The following OSBP2 variants were observed in gnomAD, a reference collection of about 807,000 sequenced individuals.
OSBP2 encodes oxysterol-binding protein 2.
OSBP2 carries 66 observed loss-of-function variants against 96.0 expected under a neutral mutation model. The ratio of observed to expected loss-of-function variants is 0.69; its 90% confidence interval spans 0.56 to 0.84. The LOEUF is 0.84. Among genes scored for constraint, OSBP2 ranks in the 40% least tolerant of loss-of-function variants. OSBP2 has a pLI of 0.00. For missense variants in OSBP2, 1,038 were observed against 1,222.7 expected, an observed-to-expected ratio of 0.85 and a Z score of 2.25; for synonymous variants, 525 against 520.9, an observed-to-expected ratio of 1.01 and a Z score of -0.11.
intron 3 of OSBP2, among the ~76,000 whole-genome samples, chr22:30,874,370 C>T (rs2039530014): frequency 6.6e-6 from 1 of 152,070 alleles, no homozygotes; most frequent in Non-Finnish European, 1.5e-5. Flanking sequence ...CAAGATCACG[C>T]CACTGCACTC....
At chr22:30,772,059 C>T (rs996068216) in intron 2 of OSBP2, among the ~76,000 whole-genome samples, 5 of 152,216 alleles carry the variant, frequency 3.3e-5, no homozygotes, top group Non-Finnish European at 5.9e-5. Context: ...ATCAGACAGC[C>T]GCAAGCCAGA....
At chr22:30,875,614 C>T (rs1203887262) in intron 3 of OSBP2, among the ~76,000 whole-genome samples, 4 of 152,176 alleles carry the variant, frequency 2.6e-5, no homozygotes, top group South Asian at 2.1e-4. Context: ...GCAGGTAATC[C>T]GCCTGCCTCG....
intron 1 of OSBP2, among the ~76,000 whole-genome samples, chr22:30,721,930 C>G (rs1312269114): frequency 6.6e-6 from 1 of 152,046 alleles, no homozygotes; most frequent in African/African-American, 2.4e-5. Context: ...GACTTTTAAG[C>G]TTGTGAAAGG....
chr22:30,881,037 T>G lies in OSBP2; in HGVS notation c.1108-6389T>G, dbSNP rs537848667. 2.0e-5 allele frequency among the ~76,000 whole-genome samples: 3 copies of G among 152,244 alleles called. No individual in the cohort carries two copies. The South Asian group carries it at 6.2e-4, about 32-fold the overall frequency. On this transcript the variant is annotated intron_variant, in intron 3 of 13. Transcript: ENST00000332585. This position sits in a 1 kb window ranked among gnomAD's most constrained non-coding sequence, Gnocchi z 4.5. ...CCCCAGGGCGGAGACCCCCCTTGTC[T>G]GTCGAGCTTTGTGGTTCTCACTCTG...
At chr22:30,804,216 G>C (rs1367578800) in intron 2 of OSBP2, among the ~76,000 whole-genome samples, 1 of 152,144 alleles carries the variant, frequency 6.6e-6, no homozygotes, top group Non-Finnish European at 1.5e-5. Flanking sequence ...AGTGGAGAGG[G>C]GAGGTGGAAT....
At position 30,834,586 on chromosome 22, in the gene OSBP2, C is replaced by T. The variant is rs1468961165; in HGVS notation, c.854-35843C>T. 2.0e-5 allele frequency among the ~76,000 whole-genome samples: 3 copies of T among 152,126 alleles called. 1 individual carries two copies. The highest frequency in any genetic ancestry group is 4.4e-5 in the Non-Finnish European group (3 of 68,026). On this transcript the variant is annotated intron_variant, in intron 2 of 13. Coordinates refer to ENST00000332585, the MANE Select transcript of OSBP2 (RefSeq NM_030758.4). The stretch of plus-strand genomic sequence containing the variant: ...GTTATTTCATGGTGGTTTTGTTTTG[C>T]ATTTCTCTAATAACTGATAATGTTG...
At chr22:30,721,827 A>G (rs746070139) in intron 1 of OSBP2, among the ~76,000 whole-genome samples, 2 of 152,162 alleles carry the variant, frequency 1.3e-5, no homozygotes, top group Non-Finnish European at 2.9e-5. Flanking sequence ...TCTCAAATTC[A>G]TGGCATTTCA....
rs2039708629 is a variant in OSBP2 at position 30,881,729 on chromosome 22, A to G, written c.1108-5697A>G. The G allele has an allele frequency of 7.7e-7, 1 of 1,303,992 alleles. No individual in the cohort carries two copies. The highest frequency in any genetic ancestry group is 2.3e-5 in the Admixed American group (1 of 43,552). 80.8% of individuals were successfully genotyped at this position (1,303,992 alleles called of 1,614,324 possible). A position where few individuals can be genotyped will look rare whatever the true frequency, so the allele number is the denominator to read the frequency against. ...ACGCCAGGCGCCTGCCTCTCCCCAC[A>G]GCACAGCCAGGATGGGGCCTGGAGA... On this transcript the variant is annotated intron_variant, in intron 3 of 13. Coordinates refer to ENST00000332585, the MANE Select transcript of OSBP2 (RefSeq NM_030758.4). This position sits in a 1 kb window ranked among gnomAD's most constrained non-coding sequence, Gnocchi z 4.5.
At chr22:30,886,750 C>T (rs1377081815) in intron 3 of OSBP2, among the ~76,000 whole-genome samples, 1 of 152,176 alleles carries the variant, frequency 6.6e-6, no homozygotes, top group African/African-American at 2.4e-5. Flanking sequence ...CATGACTCCC[C>T]AGACGCCTTA....
chr22:30,829,091 A>G (rs936626876), intron 2 of OSBP2, among the ~76,000 whole-genome samples: 2 of 152,102 alleles, frequency 1.3e-5, no homozygotes, highest in Non-Finnish European at 2.9e-5. Context: ...GGACAGGCCC[A>G]GGCTCCCCCA....
At chr22:30,866,028 G>A (rs2039329831) in intron 2 of OSBP2, among the ~76,000 whole-genome samples, 1 of 152,198 alleles carries the variant, frequency 6.6e-6, no homozygotes, top group Non-Finnish European at 1.5e-5. Flanking sequence ...CAGTAAATCA[G>A]ACCGTAATGA....
At position 30,695,337 on chromosome 22, in the gene OSBP2, CGCTGCCAGCGTTAAA is replaced by C; in HGVS notation, c.431_445del (p.Leu144_Lys148del). On this transcript the variant is annotated inframe_deletion, in exon 1 of 14. Coordinates refer to ENST00000332585, the MANE Select transcript of OSBP2 (RefSeq NM_030758.4). ...ACCTTTCTCAGACCCGAGTCAGGAT[CGCTGCCAGCGTTAAA>C]GCCCCTGCCTCTTCTGCGACCAGGA... The C allele has an allele frequency of 6.2e-7, 1 of 1,613,632 alleles. No individual in the cohort carries two copies. The highest frequency in any genetic ancestry group is 8.5e-7 in the Non-Finnish European group (1 of 1,180,040).
intron 1 of OSBP2, among the ~76,000 whole-genome samples, chr22:30,702,637 C>CAAAAA (rs1208945802): frequency 6.6e-6 from 1 of 151,862 alleles, no homozygotes; most frequent in African/African-American, 2.4e-5. Flanking sequence ...AATAAATAAA[C>CAAAAA]AAAACAAAAC....
chr22:30,804,483 A>T lies in OSBP2; in HGVS notation c.853+63114A>T, dbSNP rs548305262. Among the ~76,000 whole-genome samples, 6 of 152,222 alleles carry T rather than the reference A, an allele frequency of 3.9e-5. No individual in the cohort carries two copies. The South Asian group carries it at 1.2e-3, about 32-fold the overall frequency. On this transcript the variant is annotated intron_variant, in intron 2 of 13. Transcript: ENST00000332585. Reference sequence around the variant, plus strand: ...ATGAAATGAAAGAGGAGGGGGGAAGATATGTGAGATGATGTGCTGGTTTTA... The same window carrying T: ...ATGAAATGAAAGAGGAGGGGGGAAGTTATGTGAGATGATGTGCTGGTTTTA...
intron 2 of OSBP2, among the ~76,000 whole-genome samples, chr22:30,827,990 G>C (rs980011795): frequency 6.6e-6 from 1 of 152,190 alleles, no homozygotes; most frequent in African/African-American, 2.4e-5. Flanking sequence ...TTGGTTGAAT[G>C]GATGGTCAAG....
rs1314779274 is a variant in OSBP2, at chr22:30,778,167, GC to G, written c.853+36801del. 2.9e-3 allele frequency among the ~76,000 whole-genome samples: 107 copies of G among 37,006 alleles called. 8 individuals carry two copies. Among genetic ancestry groups the G allele is most frequent in the Middle Eastern group, 0.018 (1 of 56 alleles). The allele number at this position is 37,006 out of a possible 152,430, so 24.3% of individuals were successfully genotyped here. On this transcript the variant is annotated intron_variant, in intron 2 of 13. Coordinates refer to ENST00000332585, the MANE Select transcript of OSBP2 (RefSeq NM_030758.4). Reference sequence around the variant, plus strand: ...GCACCAGCATGCCCGGCTAATTTTTGCCCTTTTTTTTTTTTTTTTTTTTAGT... The same window carrying G: ...GCACCAGCATGCCCGGCTAATTTTTGCCTTTTTTTTTTTTTTTTTTTTAGT...
chr22:30,767,024 G>T (rs1197238097), intron 2 of OSBP2, among the ~76,000 whole-genome samples: 2 of 149,796 alleles, frequency 1.3e-5, no homozygotes, highest in East Asian at 3.9e-4. Context: ...CCTCAGAACA[G>T]TTGGGCTTAA....
At chr22:30,824,783 G>A (rs1410006555) in intron 2 of OSBP2, among the ~76,000 whole-genome samples, 4 of 152,212 alleles carry the variant, frequency 2.6e-5, no homozygotes, top group African/African-American at 9.6e-5. Context: ...TGAAGAGGGA[G>A]ATGGGCTTGC....
intron 12 of OSBP2, chr22:30,902,656 A>C (rs2040240937): frequency 5.0e-6 from 3 of 594,382 alleles, no homozygotes; most frequent in African/African-American, 1.9e-5. Flanking sequence ...GAAGAGCACA[A>C]AGACCACGAC....
Sources: allele counts gnomAD v4.1 joint callset (sites outside exome capture counted in the v4.1 genomes callset), GRCh38; gene constraint gnomAD v4.1.1; non-coding constraint Gnocchi (gnomAD v3.1); transcripts MANE v1.5; gene names NCBI Gene and HGNC (gene_info 2026-07-23, HGNC 2026-07-21).